Variants in CLNK observed in about 807,000 individuals in gnomAD.
CLNK encodes cytokine-dependent hematopoietic cell linker.
CLNK carries 74 observed loss-of-function variants against 68.6 expected under a neutral mutation model. That is an observed-to-expected ratio of 1.08 (90% CI 0.89 to 1.31). CLNK has a LOEUF of 1.31. Ranked by LOEUF, CLNK falls within the 50% of genes most tolerant of loss-of-function variation. The pLI is 0.00. For synonymous variants in CLNK, 198 were observed against 172.2 expected, an observed-to-expected ratio of 1.15 and a Z score of -1.17; for missense variants, 553 against 515.3, an observed-to-expected ratio of 1.07 and a Z score of -0.71.
chr4:10,624,106 G>T (rs936914183), intron 2 of CLNK, among the ~76,000 whole-genome samples: 3 of 152,178 alleles, frequency 2.0e-5, no homozygotes, highest in Non-Finnish European at 4.4e-5. Flanking sequence ...CAAATAGCCC[G>T]AGTGTTTTAG....
At chr4:10,522,224 C>A (rs1301358343) in intron 14 of CLNK, among the ~76,000 whole-genome samples, 1 of 147,300 alleles carries the variant, frequency 6.8e-6, no homozygotes, top group Admixed American at 6.9e-5. Flanking sequence ...CGCCATGGCA[C>A]TCCAGCCTGG....
chr4:10,546,499 C>A (rs1227998885), intron 8 of CLNK, among the ~76,000 whole-genome samples: 1 of 152,220 alleles, frequency 6.6e-6, no homozygotes, highest in Non-Finnish European at 1.5e-5. Context: ...CAAACCTCAT[C>A]AGAATGGCCT....
chr4:10,699,295 CACACACACCACATACGTGTAT>C, the CLNK span, among the ~76,000 whole-genome samples: 1 of 80,568 alleles, frequency 1.2e-5, no homozygotes, highest in Non-Finnish European at 2.9e-5. Flanking sequence ...CGTGTATACA[CACACACACCACATACGTGTAT>C]ACACACACAC....
chr4:10,725,212 G>A, the CLNK span, among the ~76,000 whole-genome samples: 1 of 148,668 alleles, frequency 6.7e-6, no homozygotes, highest in African/African-American at 2.5e-5. Flanking sequence ...GCCTTTAAAA[G>A]GTCACTCGAT....
At chr4:10,541,397 C>G (rs888595110) in intron 10 of CLNK, among the ~76,000 whole-genome samples, 1 of 151,752 alleles carries the variant, frequency 6.6e-6, no homozygotes. Flanking sequence ...AGCTGCTTCC[C>G]TCTAGCAGGG....
At chr4:10,691,639 G>A in the CLNK span, among the ~76,000 whole-genome samples, 4 of 152,086 alleles carry the variant, frequency 2.6e-5, 1 homozygote, top group East Asian at 7.7e-4. Context: ...TTATTTGCCG[G>A]ATACTTTTCC....
In CLNK at chr4:10,564,621, T is replaced by C. The variant is rs1055480097; in HGVS notation, c.399+50A>G. On this transcript the variant is annotated intron_variant, in intron 7 of 18. Coordinates refer to ENST00000226951, the MANE Select transcript of CLNK (RefSeq NM_052964.4). ...GGAGATGGGGCAGTTTCTAGCTGGTTAGGAAGAGCCCTACACATGTTTGTG... is the reference window on the plus strand; with the variant it reads ...GGAGATGGGGCAGTTTCTAGCTGGTCAGGAAGAGCCCTACACATGTTTGTG... The C allele has an allele frequency of 6.9e-6, 9 of 1,313,412 alleles. No individual in the cohort carries two copies. The African/African-American group carries it at 1.0e-4, about 15-fold the overall frequency. The allele number at this position is 1,313,412 out of a possible 1,614,324, so 81.4% of individuals were successfully genotyped here.
the CLNK span, among the ~76,000 whole-genome samples, chr4:10,720,982 A>G: frequency 6.6e-6 from 1 of 152,196 alleles, no homozygotes; most frequent in Non-Finnish European, 1.5e-5. Flanking sequence ...ATACTACTCA[A>G]CAATACAAAG....
At position 10,517,658 on chromosome 4, in the gene CLNK, C is replaced by T. The variant is rs567266206; in HGVS notation, c.772+3133G>A. 3.3e-5 allele frequency among the ~76,000 whole-genome samples: 5 copies of T among 152,290 alleles called. No individual in the cohort carries two copies. The East Asian group carries it at 9.6e-4, about 29-fold the overall frequency. Reference sequence around the variant, plus strand: ...TAACCATTTTCGGTATTTCCTATCACTTAGATGGTGTTGCATACATAATAA... The same window carrying T: ...TAACCATTTTCGGTATTTCCTATCATTTAGATGGTGTTGCATACATAATAA... On this transcript the variant is annotated intron_variant, in intron 15 of 18. Transcript: ENST00000226951.
intron 6 of CLNK, among the ~76,000 whole-genome samples, 199 bp from the exon 7 acceptor site, chr4:10,564,976 C>A (rs1453981286): frequency 1.3e-5 from 2 of 152,112 alleles, no homozygotes; most frequent in African/African-American, 4.8e-5. Context: ...CAAAAAAATG[C>A]CAAAGTTTGA....
intron 15 of CLNK, among the ~76,000 whole-genome samples, chr4:10,520,124 G>A (rs1262435718): frequency 1.3e-5 from 2 of 151,934 alleles, no homozygotes; most frequent in Admixed American, 6.6e-5. Context: ...AGTGAAAAAA[G>A]GAAAGACAAA....
chr4:10,531,704 G>A (rs780752510), intron 12 of CLNK: 2 of 456,442 alleles, frequency 4.4e-6, no homozygotes, highest in African/African-American at 4.0e-5. Context: ...GCCTCCCAAA[G>A]TGCTGGGATT....
At chr4:10,525,482 T>G (rs564591531) in intron 14 of CLNK, among the ~76,000 whole-genome samples, 1 of 152,322 alleles carries the variant, frequency 6.6e-6, no homozygotes, top group East Asian at 1.9e-4. Context: ...AGCCATAAAT[T>G]GCTGTTCAGA....
chr4:10,589,389 C>T (rs1010226494), intron 3 of CLNK, among the ~76,000 whole-genome samples: 11 of 152,134 alleles, frequency 7.2e-5, no homozygotes, highest in African/African-American at 2.7e-4. Context: ...TCAAATTTGT[C>T]TGAAAGTGGC....
chr4:10,497,957 A>G (rs1716877795), intron 18 of CLNK, among the ~76,000 whole-genome samples: 1 of 152,226 alleles, frequency 6.6e-6, no homozygotes, highest in African/African-American at 2.4e-5. Context: ...GCACTTTGGG[A>G]GGCCAAGGTG....
intron 2 of CLNK, among the ~76,000 whole-genome samples, chr4:10,632,267 A>T (rs1396236459): frequency 6.6e-6 from 1 of 152,090 alleles, no homozygotes; most frequent in African/African-American, 2.4e-5. Context: ...TTCCCTCCAA[A>T]CTATCTTGAG....
chr4:10,504,363 G>A (rs923278508), intron 17 of CLNK, among the ~76,000 whole-genome samples: 11 of 151,894 alleles, frequency 7.2e-5, no homozygotes, highest in East Asian at 5.8e-4. Context: ...CTCGAGATTC[G>A]CCCGCCTCGG....
chr4:10,507,210 C>A (rs974672892), intron 17 of CLNK, among the ~76,000 whole-genome samples: 2 of 152,044 alleles, frequency 1.3e-5, no homozygotes, highest in African/African-American at 4.8e-5. Flanking sequence ...CTCCCGGCTT[C>A]AAGCGATTCT....
chr4:10,555,035 A>G (rs571310554), intron 8 of CLNK, among the ~76,000 whole-genome samples: 5 of 152,364 alleles, frequency 3.3e-5, no homozygotes, highest in Admixed American at 2.0e-4. Context: ...GTAAAATGAG[A>G]GAATTGACCC....
Sources: allele counts gnomAD v4.1 joint callset (sites outside exome capture counted in the v4.1 genomes callset), GRCh38; gene constraint gnomAD v4.1.1; transcripts MANE v1.5; gene names NCBI Gene and HGNC (gene_info 2026-07-23, HGNC 2026-07-21).